PA2G4: variants seen among roughly 807,000 people sequenced by gnomAD.
PA2G4 encodes proliferation-associated protein 2G4.
PA2G4 carries 8 observed loss-of-function variants against 53.3 expected under a neutral mutation model. The observed-to-expected ratio is 0.15, with a 90% CI of 0.09 to 0.27. The LOEUF (loss-of-function observed/expected upper bound fraction) is 0.27, where lower values mean the gene tolerates loss of function less well. Among genes scored for constraint, PA2G4 ranks in the 10% least tolerant of loss-of-function variants. The pLI, the probability that PA2G4 is intolerant of heterozygous loss-of-function variation, is 1.00. For synonymous variants in PA2G4, 143 were observed against 169.8 expected, an observed-to-expected ratio of 0.84 and a Z score of 1.23; for missense variants, 208 against 486.8, an observed-to-expected ratio of 0.43 and a Z score of 5.39.
At position 56,112,883 on chromosome 12, in the gene PA2G4, G is replaced by C; in HGVS notation, c.1180G>C (p.Asp394His). 1 of 1,568,006 alleles carries C rather than the reference G, an allele frequency of 6.4e-7. No homozygotes were observed. Among genetic ancestry groups the C allele is most frequent in the Non-Finnish European group, 8.6e-7 (1 of 1,162,626 alleles). ...GETLEENEAGD is the reference protein window; with the variant it reads ...GETLEENEAGH ...AACATTAGAAGAAAATGAAGCTGGG[G>C]ACTGAGGTGGGTCCCATCTCCCCAG... Residue 394 changes from aspartate (D) to histidine (H), a missense_variant, in exon 13 of 13, where the codon GAC (aspartate) becomes CAC (histidine). Asp to His is a moderately conservative substitution (Grantham distance 81). Transcript: ENST00000303305.
At position 56,110,383 on chromosome 12, in the gene PA2G4, T is replaced by A; in HGVS notation, c.630-16T>A. The A allele has an allele frequency of 6.7e-7, 1 of 1,499,308 alleles. No homozygotes were observed. Among genetic ancestry groups the A allele is most frequent in the Non-Finnish European group, 9.3e-7 (1 of 1,077,818 alleles). 92.9% of individuals were successfully genotyped at this position (1,499,308 alleles called of 1,614,324 possible). On this transcript the variant is annotated splice_polypyrimidine_tract_variant and intron_variant, in intron 7 of 12. Coordinates refer to ENST00000303305, the MANE Select transcript of PA2G4 (RefSeq NM_006191.3). ...TCAAAAAAAAAAAAAAATTCCTTTC[T>A]CTCTATTCCTTTTAGGAAGGACCAT... is the stretch of plus-strand genomic sequence containing the variant.
At position 56,104,693 on chromosome 12, in the gene PA2G4, G is replaced by T. The variant is rs753709488; in HGVS notation, c.-45G>T. 4 of 1,535,442 alleles carry T rather than the reference G, an allele frequency of 2.6e-6. No homozygotes were observed. The Admixed American group carries it at 5.0e-5, about 19-fold the overall frequency. ...GTGGCTGGGAAGGGAGACAGAGGCG[G>T]CGGCGGCTCAGGGGAAACGAGGCTG... is the stretch of plus-strand genomic sequence containing the variant. On this transcript the variant is annotated 5_prime_UTR_variant, in exon 1 of 13. Coordinates refer to ENST00000303305, the MANE Select transcript of PA2G4 (RefSeq NM_006191.3).
chr12:56,113,827 C>T lies in PA2G4; in HGVS notation c.*939C>T, dbSNP rs140409587. 1.4e-6 allele frequency: 1 copy of T among 702,012 alleles called. No homozygotes were observed. Among genetic ancestry groups the T allele is most frequent in the East Asian group, 2.7e-5 (1 of 37,290 alleles). The allele number at this position is 702,012 out of a possible 1,614,324, so 43.5% of individuals were successfully genotyped here. A position where few individuals can be genotyped will look rare whatever the true frequency, so the allele number is the denominator to read the frequency against. On this transcript the variant is annotated 3_prime_UTR_variant, in exon 13 of 13. Transcript: ENST00000303305. ...ACCTCTGGCATGCTGTCCCAGGAAA[C>T]TAGGGCTCCCACTAACTTATGAGGT...
rs760797577 is a variant in PA2G4 at position 56,111,357 on chromosome 12, G to A, written c.1065+48G>A. On this transcript the variant is annotated intron_variant, in intron 11 of 12. Coordinates refer to ENST00000303305, the MANE Select transcript of PA2G4 (RefSeq NM_006191.3). ...TGAGTATGTACATGGTATCCTGCTT[G>A]GGAGTGAGGGCTAAATGCCAGCAAA... is the stretch of plus-strand genomic sequence containing the variant. 19 of 1,611,760 alleles carry A rather than the reference G, an allele frequency of 1.2e-5. 1 individual carries two copies. The South Asian group carries it at 2.0e-4, about 17-fold the overall frequency.
chr12:56,111,410 G>A (rs1404838199), intron 11 of PA2G4, 66 bp from the exon 12 acceptor site: 63 of 1,604,574 alleles, frequency 3.9e-5, no homozygotes, highest in Non-Finnish European at 5.4e-5. Context: ...AGTACTGAAA[G>A]TAACCCTTTA....
chr12:56,107,502 T>G lies in PA2G4; in HGVS notation c.394-19T>G. 2 of 1,564,390 alleles carry G rather than the reference T, an allele frequency of 1.3e-6. No homozygotes were observed. Among genetic ancestry groups the G allele is most frequent in the Non-Finnish European group, 1.8e-6 (2 of 1,134,574 alleles). On this transcript the variant is annotated intron_variant, in intron 4 of 12. Transcript: ENST00000303305. Reference sequence around the variant, plus strand: ...ACAGACTTTCCAGGAAGATACTGATTGCATGTCCTTATCTACAGGGGACCC... The same window carrying G: ...ACAGACTTTCCAGGAAGATACTGATGGCATGTCCTTATCTACAGGGGACCC...
chr12:56,107,157 C>T, intron 3 of PA2G4, 30 bp from the exon 4 acceptor site: 1 of 1,605,676 alleles, frequency 6.2e-7, no homozygotes, highest in Non-Finnish European at 8.5e-7. Flanking sequence ...ATGCCAGTTC[C>T]TAATGCAGTA....
rs763677064 is a variant in PA2G4, at chr12:56,110,703, A to G, written c.842+11A>G. ...GCCGTTTACTTTAAGGTACTAAGCA[A>G]TGATAGTACTTGGAACCAGTCTGAC... On this transcript the variant is annotated intron_variant, in intron 9 of 12. Coordinates refer to ENST00000303305, the MANE Select transcript of PA2G4 (RefSeq NM_006191.3). The G allele has an allele frequency of 6.8e-6, 11 of 1,613,782 alleles. No individual in the cohort carries two copies. The highest frequency in any genetic ancestry group is 1.3e-5 in the African/African-American group (1 of 75,028).
rs1592237053 is a variant in PA2G4, at chr12:56,113,203, G to T, written c.*315G>T. 2 of 229,342 alleles carry T rather than the reference G, an allele frequency of 8.7e-6. No individual in the cohort carries two copies. Among genetic ancestry groups the T allele is most frequent in the East Asian group, 2.2e-4 (2 of 8,972 alleles). 14.2% of individuals were successfully genotyped at this position (229,342 alleles called of 1,614,324 possible). The stretch of plus-strand genomic sequence containing the variant: ...TAGCCTTTTCTACTACTCTCTGCTT[G>T]GTCAAGGTTTGTGCCCCACTACAGA... On this transcript the variant is annotated 3_prime_UTR_variant, in exon 13 of 13. Transcript: ENST00000303305.
At chr12:56,105,351 C>T (rs981081256) in intron 1 of PA2G4, among the ~76,000 whole-genome samples, 3 of 152,214 alleles carry the variant, frequency 2.0e-5, no homozygotes, top group African/African-American at 7.2e-5. Flanking sequence ...AGCTTCCCCA[C>T]CACGTGCTTT....
In PA2G4 at chr12:56,111,322, T is replaced by C. The variant is rs1159840689; in HGVS notation, c.1065+13T>C. 1 of 1,614,010 alleles carries C rather than the reference T, an allele frequency of 6.2e-7. No homozygotes were observed. Among genetic ancestry groups the C allele is most frequent in the African/African-American group, 1.3e-5 (1 of 74,896 alleles). The stretch of plus-strand genomic sequence containing the variant: ...TGCAGAGCTAAAGGTTAGTATGGAA[T>C]AGAAGGTGGTGAGTATGTACATGGT... On this transcript the variant is annotated intron_variant, in intron 11 of 12. Coordinates refer to ENST00000303305, the MANE Select transcript of PA2G4 (RefSeq NM_006191.3).
Position 56,104,635 on chromosome 12 carries a change from C to A in PA2G4, c.-103C>A, listed in dbSNP as rs1279456559. The A allele has an allele frequency of 9.9e-6, 11 of 1,112,894 alleles. No individual in the cohort carries two copies. Among genetic ancestry groups the A allele is most frequent in the Non-Finnish European group, 1.5e-5 (11 of 722,366 alleles). 68.9% of individuals were successfully genotyped at this position (1,112,894 alleles called of 1,614,324 possible). A position where few individuals can be genotyped will look rare whatever the true frequency, so the allele number is the denominator to read the frequency against. On this transcript the variant is annotated 5_prime_UTR_variant, in exon 1 of 13. Coordinates refer to ENST00000303305, the MANE Select transcript of PA2G4 (RefSeq NM_006191.3). ...TTGCTCGCGCTTTCGCTCGCCCTCT[C>A]CTCGAGGATCGAGGGGACTCTGACC... is the stretch of plus-strand genomic sequence containing the variant.
intron 1 of PA2G4, chr12:56,106,310 G>A: frequency 3.5e-6 from 1 of 283,376 alleles, no homozygotes; most frequent in Non-Finnish European, 6.6e-6. Context: ...GTGTATGTGG[G>A]GATACCATGG....
Position 56,113,114 on chromosome 12 carries a change from T to C in PA2G4, c.*226T>C, listed in dbSNP as rs1448767713. 1 of 408,940 alleles carries C rather than the reference T, an allele frequency of 2.4e-6. No homozygotes were observed. The highest frequency in any genetic ancestry group is 4.3e-6 in the Non-Finnish European group (1 of 232,034). 25.3% of individuals were successfully genotyped at this position (408,940 alleles called of 1,614,324 possible). A position where few individuals can be genotyped will look rare whatever the true frequency, so the allele number is the denominator to read the frequency against. ...CCCAACCACGGAAGACTACTTTAAATGAAAAAAAGAAATTGAATAATAAAA... is the reference window on the plus strand; with the variant it reads ...CCCAACCACGGAAGACTACTTTAAACGAAAAAAAGAAATTGAATAATAAAA... On this transcript the variant is annotated 3_prime_UTR_variant, in exon 13 of 13. Transcript: ENST00000303305.
At chr12:56,107,469 C>A in intron 4 of PA2G4, 52 bp from the exon 5 acceptor site, 4 of 1,342,334 alleles carry the variant, frequency 3.0e-6, no homozygotes, top group Non-Finnish European at 3.2e-6. Flanking sequence ...AGATAGCCAG[C>A]TGAGTTAACA....
chr12:56,113,753 CTTGGA>C lies in PA2G4; in HGVS notation c.*874_*878del, dbSNP rs1869481294. On this transcript the variant is annotated 3_prime_UTR_variant, in exon 13 of 13. Transcript: ENST00000303305. ...ACTCCTGGCTTTCTGAAGCTATGGA[CTTGGA>C]TTGGATTGCTGGGGGTTTGTAGAGA... The C allele has an allele frequency of 2.9e-6, 2 of 683,954 alleles. No homozygotes were observed. Among genetic ancestry groups the C allele is most frequent in the African/African-American group, 1.8e-5 (1 of 56,486 alleles). The allele number at this position is 683,954 out of a possible 1,614,324, so 42.4% of individuals were successfully genotyped here. A position where few individuals can be genotyped will look rare whatever the true frequency, so the allele number is the denominator to read the frequency against.
chr12:56,111,661 G>A (rs1869428393), intron 12 of PA2G4, 132 bp downstream of exon 12: 1 of 706,128 alleles, frequency 1.4e-6, no homozygotes, highest in Non-Finnish European at 2.4e-6. Context: ...CTTTGTCCCA[G>A]TAAACCCATC....
intron 6 of PA2G4, 84 bp downstream of exon 6, chr12:56,109,377 T>G: frequency 2.0e-6 from 2 of 1,006,026 alleles, no homozygotes; most frequent in Non-Finnish European, 3.1e-6. Context: ...CCCAGAACTT[T>G]GGGAGGCTGA....
intron 1 of PA2G4, 159 bp downstream of exon 1, chr12:56,104,984 C>T (rs1335749255): frequency 2.6e-6 from 2 of 758,126 alleles, no homozygotes; most frequent in Non-Finnish European, 4.7e-6. Context: ...GGTGTCGCGC[C>T]TGGGACCTGA....
Sources: gnomAD v4.1 joint callset for allele counts (sites outside exome capture counted in the v4.1 genomes callset) on GRCh38, gnomAD v4.1.1 for gene constraint, MANE v1.5 for transcripts, NCBI Gene and HGNC (gene_info 2026-07-23, HGNC 2026-07-21) for gene names.